The following TMEM106C variants were observed in gnomAD, a reference collection of about 807,000 sequenced individuals.
TMEM106C encodes the protein endoplasmic reticulum membrane protein overexpressed in cancer.
A neutral mutation model predicts 30.8 loss-of-function variants in TMEM106C; 27 were observed. The observed-to-expected ratio is 0.88, with a 90% CI of 0.65 to 1.21. The LOEUF is 1.21. TMEM106C is among the 50% of genes most tolerant of loss of function. TMEM106C has a pLI of 0.00. For missense variants in TMEM106C, 288 were observed against 307.8 expected (o/e 0.94, Z 0.48); for synonymous variants, 123 against 118.8 (o/e 1.04, Z -0.23).
At chr12:47,964,817 A>G (rs1938165743) in intron 2 of TMEM106C, 2 of 303,668 alleles carry the variant, frequency 6.6e-6, no homozygotes, top group East Asian at 8.7e-5. Context: ...AGAAAAATAT[A>G]TCAGGTCAAG....
chr12:47,964,441 A>T lies in TMEM106C; in HGVS notation c.187+18A>T. 1 of 1,612,050 alleles carries T rather than the reference A, an allele frequency of 6.2e-7. No individual in the cohort carries two copies. The highest frequency in any genetic ancestry group is 8.5e-7 in the Non-Finnish European group (1 of 1,178,608). On this transcript the variant is annotated intron_variant, in intron 2 of 7. Coordinates refer to ENST00000429772, the MANE Select transcript of TMEM106C (RefSeq NM_001143842.2). ...TCCAACAGGTGATCATGGAGGGATG[A>T]TTCCCTGATGAGAATCCCAAGGTAC...
chr12:47,965,829 C>T lies in TMEM106C; in HGVS notation c.252-9C>T, dbSNP rs751850117. The T allele has an allele frequency of 4.3e-6, 7 of 1,614,084 alleles. No individual in the cohort carries two copies. The South Asian group carries it at 7.7e-5, about 18-fold the overall frequency. On this transcript the variant is annotated splice_polypyrimidine_tract_variant and intron_variant, in intron 3 of 7. Transcript: ENST00000429772. ...TGCCTGGGTCGGTCATGTGCTGTGTCATTTGCAGTAAGCAATATGTCCTCC... is the reference window on the plus strand; with the variant it reads ...TGCCTGGGTCGGTCATGTGCTGTGTTATTTGCAGTAAGCAATATGTCCTCC...
intron 1 of TMEM106C, 144 bp from the exon 2 acceptor site, chr12:47,964,065 T>G (rs1592183843): frequency 1.5e-6 from 1 of 656,368 alleles, no homozygotes. Flanking sequence ...AAAATGAGGG[T>G]CCCGATAGAA....
rs1465578712 is a variant in TMEM106C at position 47,966,010 on chromosome 12, G to C, written c.411+13G>C. ...TCTCACCATCATGGTAAGCCTTAGG[G>C]TTTCATTCCCTGGGTTGTGCACCTG... On this transcript the variant is annotated intron_variant, in intron 4 of 7. Transcript: ENST00000429772. 6.2e-7 allele frequency: 1 copy of C among 1,614,024 alleles called. No homozygotes were observed. Among genetic ancestry groups the C allele is most frequent in the Non-Finnish European group, 8.5e-7 (1 of 1,180,024 alleles).
intron 3 of TMEM106C, 198 bp from the exon 4 acceptor site, chr12:47,965,640 C>T: frequency 1.3e-6 from 1 of 745,092 alleles, no homozygotes. Context: ...TTCAGCTTTT[C>T]TTCCCAGAGT....
At chr12:47,964,634 A>G in intron 2 of TMEM106C, 3 of 568,620 alleles carry the variant, frequency 5.3e-6, no homozygotes, top group Admixed American at 6.1e-5. Context: ...CTTTACCGCC[A>G]CTCTTGTTCT....
At position 47,964,248 on chromosome 12, in the gene TMEM106C, G is replaced by C; in HGVS notation, c.12G>C (p.Gln4His). The change falls in exon 2 of 8, where the codon CAG (glutamine) becomes CAC (histidine). Residue 4 changes from glutamine to histidine, a missense_variant. By Grantham distance (24) the Gln-to-His change is conservative. Transcript: ENST00000429772. MGS[Q>H]HSAAARPSSC... ...GGCATATCACGGCCATGGGGTCTCA[G>C]CATTCCGCTGCTGCTCGCCCCTCCT... is the stretch of plus-strand genomic sequence containing the variant. The C allele has an allele frequency of 6.2e-7, 1 of 1,612,978 alleles. No individual in the cohort carries two copies.
intron 3 of TMEM106C, 106 bp from the exon 4 acceptor site, chr12:47,965,732 A>C: frequency 2.3e-4 from 306 of 1,350,486 alleles, no homozygotes; most frequent in Non-Finnish European, 2.8e-4. Context: ...GGCTCTTGGA[A>C]CTTCCCTTTC....
rs777331063 is a variant in TMEM106C, at chr12:47,967,180, G to A, written c.603-28G>A. 3.6e-5 allele frequency: 58 copies of A among 1,599,066 alleles called. 1 individual carries two copies. In the Admixed American group the frequency reaches 8.4e-4, roughly 23 times the overall value. On this transcript the variant is annotated intron_variant, in intron 6 of 7. Coordinates refer to ENST00000429772, the MANE Select transcript of TMEM106C (RefSeq NM_001143842.2). ...CTGAGGCTTTAAAAAAAAAAAAACT[G>A]ACTATTTCCATATTTGCTGTTTGGT...
Position 47,964,196 on chromosome 12 carries a change from C to A in TMEM106C, c.-28-13C>A. ...CTGGGGCCGCTAACGTGCACTCCCT[C>A]TTTTCATCTTAGGACATGACACCAG... On this transcript the variant is annotated splice_polypyrimidine_tract_variant and intron_variant, in intron 1 of 7. Transcript: ENST00000429772. 1 of 1,598,462 alleles carries A rather than the reference C, an allele frequency of 6.3e-7. No individual in the cohort carries two copies. The highest frequency in any genetic ancestry group is 8.5e-7 in the Non-Finnish European group (1 of 1,171,012).
chr12:47,964,868 T>C, intron 2 of TMEM106C: 1 of 256,822 alleles, frequency 3.9e-6, no homozygotes, highest in Non-Finnish European at 7.5e-6. Context: ...GGATCATCTA[T>C]TACTATTAAC....
Position 47,966,103 on chromosome 12 carries a change from C to T in TMEM106C, c.426C>T (p.Ile142=). 6.2e-7 allele frequency: 1 copy of T among 1,614,248 alleles called. No individual in the cohort carries two copies. The highest frequency in any genetic ancestry group is 8.5e-7 in the Non-Finnish European group (1 of 1,180,054). ...VILTIMATLK[I]RNSNFYTVAV... ...CCCTGATGTAGGCCACCCTGAAAAT[C>T]AGGAACTCCAACTTCTACACGGTGG... The change falls in exon 5 of 8, where the codon ATC becomes ATT. Residue 142 remains isoleucine, a synonymous_variant. Transcript: ENST00000429772.
Position 47,963,962 on chromosome 12 carries a change from C to G in TMEM106C, c.-28-247C>G. The stretch of plus-strand genomic sequence containing the variant: ...CCCCAAGTCCCAGGGCGGTGAGGAT[C>G]GAGGCAGGTGCGTGAAAGGCAGGCC... On this transcript the variant is annotated intron_variant, in intron 1 of 7. Coordinates refer to ENST00000429772, the MANE Select transcript of TMEM106C (RefSeq NM_001143842.2). The G allele has an allele frequency of 6.0e-6, 3 of 502,714 alleles. No homozygotes were observed. The Admixed American group carries it at 1.0e-4, about 17-fold the overall frequency. 31.1% of individuals were successfully genotyped at this position (502,714 alleles called of 1,614,324 possible).
intron 3 of TMEM106C, 27 bp from the exon 4 acceptor site, chr12:47,965,811 G>T (rs552525019): frequency 1.9e-6 from 3 of 1,612,104 alleles, no homozygotes; most frequent in Non-Finnish European, 2.5e-6. Context: ...GACTGCCTGG[G>T]TCGGTCATGT....
intron 2 of TMEM106C, 154 bp downstream of exon 2, chr12:47,964,577 G>A: frequency 1.6e-6 from 1 of 643,788 alleles, no homozygotes; most frequent in Non-Finnish European, 2.7e-6. Flanking sequence ...CACTTGGGCA[G>A]TTCTGCAACT....
intron 7 of TMEM106C, 121 bp downstream of exon 7, chr12:47,967,382 T>TGTGAGG: frequency 9.6e-6 from 9 of 939,564 alleles, no homozygotes; most frequent in Non-Finnish European, 1.2e-5. Flanking sequence ...ACCCTGTGCC[T>TGTGAGG]CACAGGCACA....
intron 2 of TMEM106C, chr12:47,964,694 G>T: frequency 2.2e-6 from 1 of 460,418 alleles, no homozygotes; most frequent in Non-Finnish European, 4.0e-6. Flanking sequence ...GGGATTTGTT[G>T]ACAGGCACAT....
chr12:47,968,572 G>A lies in TMEM106C; in HGVS notation c.*343G>A. On this transcript the variant is annotated 3_prime_UTR_variant, in exon 8 of 8. Coordinates refer to ENST00000429772, the MANE Select transcript of TMEM106C (RefSeq NM_001143842.2). Reference sequence around the variant, plus strand: ...GGTTATCAAACCATGGAGTGATGTGGAGCTAGGATTGTGAGTGACCTGCAG... The same window carrying A: ...GGTTATCAAACCATGGAGTGATGTGAAGCTAGGATTGTGAGTGACCTGCAG... 2.7e-6 allele frequency: 1 copy of A among 365,908 alleles called. No homozygotes were observed. Among genetic ancestry groups the A allele is most frequent in the South Asian group, 2.1e-5 (1 of 47,962 alleles). 22.7% of individuals were successfully genotyped at this position (365,908 alleles called of 1,614,324 possible). A position where few individuals can be genotyped will look rare whatever the true frequency, so the allele number is the denominator to read the frequency against.
chr12:47,964,986 A>G lies in TMEM106C; in HGVS notation c.188-296A>G, dbSNP rs1404299380. On this transcript the variant is annotated intron_variant, in intron 2 of 7. Coordinates refer to ENST00000429772, the MANE Select transcript of TMEM106C (RefSeq NM_001143842.2). ...ACTCCAAAGCTTCCATATGAAAGGC[A>G]AGGAAACCATGGCCTTGAGAGATTC... is the stretch of plus-strand genomic sequence containing the variant. Among the ~76,000 whole-genome samples the G allele has an allele frequency of 2.0e-5, 3 of 152,240 alleles. No homozygotes were observed. In the East Asian group the frequency reaches 5.8e-4, roughly 29 times the overall value.
Sources: gnomAD v4.1 joint callset for allele counts (sites outside exome capture counted in the v4.1 genomes callset) on GRCh38, gnomAD v4.1.1 for gene constraint, MANE v1.5 for transcripts, NCBI Gene and HGNC (gene_info 2026-07-23, HGNC 2026-07-21) for gene names.